ZNF419: variants seen among roughly 807,000 people sequenced by gnomAD.
ZNF419 encodes zinc finger protein 419A.
Under a neutral mutation model 14.9 loss-of-function variants are expected in ZNF419, and 8 were observed. That is an observed-to-expected ratio of 0.54 (90% CI 0.32 to 0.97). The LOEUF is 0.97. Among genes scored for constraint, ZNF419 ranks in the 50% least tolerant of loss-of-function variants. The pLI is 0.04. For synonymous variants in ZNF419, 211 were observed against 205.3 expected (o/e 1.03, Z -0.24); for missense variants, 595 against 607.2 (o/e 0.98, Z 0.21).
At chr19:57,492,361 T>C (rs533534349) in intron 4 of ZNF419, 150 bp downstream of exon 4, 3 of 936,210 alleles carry the variant, frequency 3.2e-6, no homozygotes, top group East Asian at 2.4e-5. Flanking sequence ...TATTCTGATG[T>C]TTGACCTAGG....
rs1156536744 is a variant in ZNF419, at chr19:57,493,679, C to T, written c.1122C>T (p.Ser374=). ...CTGGAGAAAGGCCTTACAAGTGCAGCGACTGTGGGAAATTTTTTACCCAAT... is the reference window on the plus strand; with the variant it reads ...CTGGAGAAAGGCCTTACAAGTGCAGTGACTGTGGGAAATTTTTTACCCAAT... ...VHTGERPYKC[S]DCGKFFTQCS... The change falls in exon 5 of 5, where the codon AGC becomes AGT. Residue 374 remains serine, a synonymous_variant. Coordinates refer to ENST00000221735, the MANE Select transcript of ZNF419 (RefSeq NM_024691.4). 7 of 1,613,550 alleles carry T rather than the reference C, an allele frequency of 4.3e-6. No individual in the cohort carries two copies. Among genetic ancestry groups the T allele is most frequent in the East Asian group, 4.5e-5 (2 of 44,816 alleles).
At chr19:57,489,727 C>T (rs560154307) in intron 1 of ZNF419, 24 of 166,410 alleles carry the variant, frequency 1.4e-4, no homozygotes, top group Non-Finnish European at 2.3e-4. Context: ...TGACCTTAGA[C>T]GATCTGCCCA....
Position 57,494,396 on chromosome 19 carries a change from G to C in ZNF419, c.*306G>C, listed in dbSNP as rs944652004. On this transcript the variant is annotated 3_prime_UTR_variant, in exon 5 of 5. Coordinates refer to ENST00000221735, the MANE Select transcript of ZNF419 (RefSeq NM_024691.4). Reference sequence around the variant, plus strand: ...CTCTGAGGATGGCCTTTATGAGGGAGCTGGCAATTGAACATCATTCATCTA... The same window carrying C: ...CTCTGAGGATGGCCTTTATGAGGGACCTGGCAATTGAACATCATTCATCTA... 16 of 318,416 alleles carry C rather than the reference G, an allele frequency of 5.0e-5. No individual in the cohort carries two copies. Among genetic ancestry groups the C allele is most frequent in the Non-Finnish European group, 8.3e-5 (15 of 180,214 alleles). 19.7% of individuals were successfully genotyped at this position (318,416 alleles called of 1,614,324 possible). A position where few individuals can be genotyped will look rare whatever the true frequency, so the allele number is the denominator to read the frequency against.
intron 4 of ZNF419, chr19:57,492,427 C>G (rs768410258): frequency 1.3e-6 from 1 of 776,892 alleles, no homozygotes; most frequent in Non-Finnish European, 2.3e-6. Flanking sequence ...CAGAACCCTT[C>G]AGCAGTGGCT....
At chr19:57,492,798 G>T in intron 4 of ZNF419, 58 bp from the exon 5 acceptor site, 2 of 1,604,080 alleles carry the variant, frequency 1.2e-6, no homozygotes, top group Non-Finnish European at 1.7e-6. Context: ...ATCTGTGAGA[G>T]TGCTGCCTCC....
At chr19:57,492,806 T>C (rs1309479928) in intron 4 of ZNF419, 50 bp from the exon 5 acceptor site, 1 of 1,611,020 alleles carries the variant, frequency 6.2e-7, no homozygotes, top group Admixed American at 1.7e-5. Context: ...GAGTGCTGCC[T>C]CCTCACACCA....
chr19:57,489,908 T>G (rs950491624), intron 1 of ZNF419: 1 of 527,838 alleles, frequency 1.9e-6, no homozygotes, highest in Non-Finnish European at 3.4e-6. Flanking sequence ...ATGAGTTTGA[T>G]ACAAACAATC....
chr19:57,493,401 A>G lies in ZNF419; in HGVS notation c.844A>G (p.Thr282Ala), dbSNP rs1410645927. 2 of 1,614,122 alleles carry G rather than the reference A, an allele frequency of 1.2e-6. No individual in the cohort carries two copies. The highest frequency in any genetic ancestry group is 1.6e-4 in the Middle Eastern group (1 of 6,084). The change falls in exon 5 of 5, where the codon ACT (threonine) becomes GCT (alanine). Residue 282 changes from threonine to alanine, a missense_variant. By Grantham distance (58) the Thr-to-Ala change is moderately conservative (BLOSUM62 0). Coordinates refer to ENST00000221735, the MANE Select transcript of ZNF419 (RefSeq NM_024691.4). ...AHLIEHQRVH[T>A]GEKPFTCSEC... ...CCTCATTGAACACCAGAGAGTTCACACTGGAGAAAAGCCTTTTACATGCAG... is the reference window on the plus strand; with the variant it reads ...CCTCATTGAACACCAGAGAGTTCACGCTGGAGAAAAGCCTTTTACATGCAG...
intron 1 of ZNF419, chr19:57,488,218 G>A (rs2089402834): frequency 6.8e-6 from 4 of 585,128 alleles, no homozygotes; most frequent in African/African-American, 3.8e-5. Flanking sequence ...CTTGGGAAGG[G>A]ACGAGGCGCG....
rs1192542198 is a variant in ZNF419 at position 57,495,752 on chromosome 19, A to G, written c.*1662A>G. 2 of 143,764 alleles carry G rather than the reference A, an allele frequency of 1.4e-5. No homozygotes were observed. Among genetic ancestry groups the G allele is most frequent in the African/African-American group, 5.3e-5 (2 of 37,802 alleles). 8.9% of individuals were successfully genotyped at this position (143,764 alleles called of 1,614,324 possible). ...AAAAAAAAAAAAAAAAAAAAAAAAA[A>G]AAAAAAAAAAAAAAAAAGCCTTATG... On this transcript the variant is annotated 3_prime_UTR_variant, in exon 5 of 5. Coordinates refer to ENST00000221735, the MANE Select transcript of ZNF419 (RefSeq NM_024691.4).
Position 57,492,184 on chromosome 19 carries a change from G to T in ZNF419, c.271G>T (p.Glu91Ter), listed in dbSNP as rs770530416. 3.1e-6 allele frequency: 5 copies of T among 1,614,002 alleles called. No homozygotes were observed. The highest frequency in any genetic ancestry group is 1.7e-5 in the Admixed American group (1 of 60,002). ...GGAGGAGCCCTTCATGCCTGCTTGG[G>T]AAGTTGTGACTTCAGCCATACCGAG... ...SWEEPFMPAW[E>*]VVTSAIPRGC... The change falls in exon 4 of 5, where the codon GAA becomes TAA. Residue 91 changes from glutamate (E) to a stop codon, truncating the protein, a stop_gained. Transcript: ENST00000221735. LOFTEE classifies it low-confidence loss of function (END_TRUNC).
chr19:57,487,882 C>A lies in ZNF419; in HGVS notation c.-69C>A. On this transcript the variant is annotated 5_prime_UTR_variant, in exon 1 of 5. Coordinates refer to ENST00000221735, the MANE Select transcript of ZNF419 (RefSeq NM_024691.4). ...CAGAGGCGGGTCTGAGGCTCGGTGG[C>A]GGCGCCCAGGGTGGCCCGGGCCCTT... is the stretch of plus-strand genomic sequence containing the variant. 1 of 1,605,422 alleles carries A rather than the reference C, an allele frequency of 6.2e-7. No individual in the cohort carries two copies. Among genetic ancestry groups the A allele is most frequent in the Non-Finnish European group, 8.5e-7 (1 of 1,174,334 alleles).
At chr19:57,492,677 C>A (rs746373299) in intron 4 of ZNF419, 179 bp from the exon 5 acceptor site, 1 of 896,376 alleles carries the variant, frequency 1.1e-6, no homozygotes. Context: ...CTCCCCAAAT[C>A]CTTGAGCTGG....
At position 57,487,978 on chromosome 19, in the gene ZNF419, G is replaced by A. The variant is rs2089395604; in HGVS notation, c.28G>A (p.Ala10Thr). Residue 10 changes from alanine (A) to threonine (T), a missense_variant, in exon 1 of 5, where the codon GCT becomes ACT. Coordinates refer to ENST00000221735, the MANE Select transcript of ZNF419 (RefSeq NM_024691.4). The part of the protein sequence containing the change: MAAAALRDP[A>T]QVPVAADLLT... ...GGCGGCGGCCGCCCTGAGGGACCCCGCTCAGGTGAGCGCCGCGTCCTCCTG... is the reference window on the plus strand; with the variant it reads ...GGCGGCGGCCGCCCTGAGGGACCCCACTCAGGTGAGCGCCGCGTCCTCCTG... 1.2e-6 allele frequency: 2 copies of A among 1,613,584 alleles called. No individual in the cohort carries two copies. Among genetic ancestry groups the A allele is most frequent in the South Asian group, 1.1e-5 (1 of 91,048 alleles).
At chr19:57,492,500 G>A (rs145575932) in intron 4 of ZNF419, 4 of 764,430 alleles carry the variant, frequency 5.2e-6, no homozygotes, top group African/African-American at 5.1e-5. Flanking sequence ...TCAGCTATTT[G>A]GTTGCAGTTG....
rs2089602699 is a variant in ZNF419 at position 57,495,806 on chromosome 19, T to G, written c.*1716T>G. 1 of 149,038 alleles carries G rather than the reference T, an allele frequency of 6.7e-6. No individual in the cohort carries two copies. The highest frequency in any genetic ancestry group is 1.5e-5 in the Non-Finnish European group (1 of 67,534). The allele number at this position is 149,038 out of a possible 1,614,324, so 9.2% of individuals were successfully genotyped here. ...GTATGCTACTGTAATCTTATGAATC[T>G]TTTTAAATATCCAACTTCTGAAATA... On this transcript the variant is annotated 3_prime_UTR_variant, in exon 5 of 5. Transcript: ENST00000221735.
In ZNF419 at chr19:57,494,781, T is replaced by C. The variant is rs1206852769; in HGVS notation, c.*691T>C. Reference sequence around the variant, plus strand: ...TTATTCTGTAAGTTGATCCAAATGTTTCAAATTTTAAGAACTTGCCAAATT... The same window carrying C: ...TTATTCTGTAAGTTGATCCAAATGTCTCAAATTTTAAGAACTTGCCAAATT... On this transcript the variant is annotated 3_prime_UTR_variant, in exon 5 of 5. Coordinates refer to ENST00000221735, the MANE Select transcript of ZNF419 (RefSeq NM_024691.4). The C allele has an allele frequency of 1.7e-5, 3 of 174,988 alleles. No homozygotes were observed. Among genetic ancestry groups the C allele is most frequent in the Non-Finnish European group, 2.4e-5 (2 of 83,658 alleles). The allele number at this position is 174,988 out of a possible 1,614,324, so 10.8% of individuals were successfully genotyped here.
chr19:57,494,750 A>G lies in ZNF419; in HGVS notation c.*660A>G. 1 of 176,500 alleles carries G rather than the reference A, an allele frequency of 5.7e-6. No individual in the cohort carries two copies. The highest frequency in any genetic ancestry group is 1.2e-5 in the Non-Finnish European group (1 of 84,718). 10.9% of individuals were successfully genotyped at this position (176,500 alleles called of 1,614,324 possible). Reference sequence around the variant, plus strand: ...GTGTAACAGGTCTGCAAAGCTCCTCATTCAGTTATTCTGTAAGTTGATCCA... The same window carrying G: ...GTGTAACAGGTCTGCAAAGCTCCTCGTTCAGTTATTCTGTAAGTTGATCCA... On this transcript the variant is annotated 3_prime_UTR_variant, in exon 5 of 5. Transcript: ENST00000221735.
At position 57,493,633 on chromosome 19, in the gene ZNF419, T is replaced by A. The variant is rs757532077; in HGVS notation, c.1076T>A (p.Ile359Asn). 1.2e-6 allele frequency: 2 copies of A among 1,614,118 alleles called. No individual in the cohort carries two copies. The highest frequency in any genetic ancestry group is 1.6e-4 in the Middle Eastern group (1 of 6,062). Residue 359 changes from isoleucine to asparagine, a missense_variant, in exon 5 of 5, where the codon ATC becomes AAC. By Grantham distance (149) the Ile-to-Asn change is moderately radical. Transcript: ENST00000221735. ...GKFYSHKSNL[I>N]KHWRVHTGER... ...TTCTATAGCCACAAGTCCAACCTTA[T>A]CAAACATTGGCGTGTTCATACTGGA...
Sources: gnomAD v4.1 joint callset for allele counts on GRCh38, gnomAD v4.1.1 for gene constraint, MANE v1.5 for transcripts, NCBI Gene and HGNC (gene_info 2026-07-23, HGNC 2026-07-21) for gene names.